Variants in FCRL2 observed in about 807,000 individuals in gnomAD.
FCRL2 encodes Fc receptor-like protein 2.
In FCRL2, 48 loss-of-function variants were observed where a neutral mutation model predicts 59.8. The ratio of observed to expected loss-of-function variants is 0.80; its 90% CI spans 0.64 to 1.02. The LOEUF (loss-of-function observed/expected upper bound fraction) is 1.02. FCRL2 is among the 50% of genes least tolerant of loss of function. The probability of loss-of-function intolerance (pLI) is 0.00; values close to 1 mark genes in which losing one functional copy is unlikely to be tolerated. For synonymous variants in FCRL2, 251 were observed against 229.5 expected, an observed-to-expected ratio of 1.09 and a Z score of -0.85; for missense variants, 658 against 597.3, an observed-to-expected ratio of 1.10 and a Z score of -1.06.
intron 7 of FCRL2, 153 bp downstream of exon 7, chr1:157,766,702 A>G (rs533028495): frequency 4.4e-5 from 56 of 1,263,070 alleles, no homozygotes; most frequent in East Asian, 1.5e-4. Flanking sequence ...CACATTGAGC[A>G]TTGCACAGAG....
chr1:157,763,500 G>A (rs1417879860), intron 7 of FCRL2, among the ~76,000 whole-genome samples: 1 of 152,090 alleles, frequency 6.6e-6, no homozygotes, highest in Non-Finnish European at 1.5e-5. Context: ...GCTCCAGCCT[G>A]GGTGACAAGA....
rs897724377 is a variant in FCRL2 at position 157,745,853 on chromosome 1, A to C, written c.*883T>G. On this transcript the variant is annotated 3_prime_UTR_variant, in exon 12 of 12. Transcript: ENST00000361516. ...GCAACTATATGCATACTTTGGTGAT[A>C]TTGCAGGTTCAGTTCCAGACTACCA... is the stretch of plus-strand genomic sequence containing the variant. The C allele has an allele frequency of 6.6e-6, 1 of 152,238 alleles. No homozygotes were observed. The highest frequency in any genetic ancestry group is 1.9e-4 in the East Asian group (1 of 5,204). 9.4% of individuals were successfully genotyped at this position (152,238 alleles called of 1,614,324 possible). A position where few individuals can be genotyped will look rare whatever the true frequency, so the allele number is the denominator to read the frequency against.
intron 4 of FCRL2, 69 bp from the exon 5 acceptor site, chr1:157,768,770 A>T: frequency 7.0e-7 from 1 of 1,426,474 alleles, no homozygotes; most frequent in Non-Finnish European, 9.5e-7. Flanking sequence ...GACTGATTCC[A>T]TTCTCTAATG....
chr1:157,768,631 C>G lies in FCRL2; in HGVS notation c.666G>C (p.Leu222=), dbSNP rs2101742714. The G allele has an allele frequency of 6.2e-7, 1 of 1,614,182 alleles. No individual in the cohort carries two copies. Among genetic ancestry groups the G allele is most frequent in the South Asian group, 1.1e-5 (1 of 91,086 alleles). The change falls in exon 5 of 12, where the codon CTG becomes CTC. Residue 222 remains leucine, a synonymous_variant. Coordinates refer to ENST00000361516, the MANE Select transcript of FCRL2 (RefSeq NM_030764.4). ...PGGQVTEGQK[L]ILLCSVAGGT... ...CCCCAGCCACTGAGCAGAGCAGGAT[C>G]AGTTTTTGTCCTTCAGTCACCTGTC...
chr1:157,776,556 A>G (rs1446215328), intron 1 of FCRL2, among the ~76,000 whole-genome samples: 3 of 152,132 alleles, frequency 2.0e-5, no homozygotes, highest in Admixed American at 1.3e-4. Flanking sequence ...GGTATGAGCC[A>G]CTGCACTCAC....
chr1:157,760,142 A>G (rs1648907426), intron 7 of FCRL2, among the ~76,000 whole-genome samples: 1 of 152,248 alleles, frequency 6.6e-6, no homozygotes, highest in African/African-American at 2.4e-5. Context: ...CTTTGCAGCA[A>G]CATGGATGGA....
intron 4 of FCRL2, chr1:157,769,584 A>C: frequency 3.8e-6 from 1 of 262,836 alleles, no homozygotes; most frequent in East Asian, 8.3e-5. Flanking sequence ...CCCCCCACCA[A>C]GCCCAGCTAA....
chr1:157,746,157 T>A lies in FCRL2; in HGVS notation c.*579A>T, dbSNP rs1296964973. ...GGATTCATAGCTGAATTCTACAAGA[T>A]GCAGAAAGAATAACTGGTACCAATC... On this transcript the variant is annotated 3_prime_UTR_variant, in exon 12 of 12. Transcript: ENST00000361516. The A allele has an allele frequency of 3.3e-5, 5 of 152,784 alleles. No homozygotes were observed. Among genetic ancestry groups the A allele is most frequent in the Admixed American group, 3.3e-4 (5 of 15,360 alleles). The allele number at this position is 152,784 out of a possible 1,614,324, so 9.5% of individuals were successfully genotyped here.
At position 157,770,663 on chromosome 1, in the gene FCRL2, G is replaced by T; in HGVS notation, c.56C>A (p.Ser19Ter). The T allele has an allele frequency of 6.2e-7, 1 of 1,613,866 alleles. No homozygotes were observed. The highest frequency in any genetic ancestry group is 1.1e-5 in the South Asian group (1 of 91,008). ...AGAAGAGGGCGCCACAAGGGTCAGC[G>T]AATCTGGAAGAGAAGGAGGGAAACC... Reference protein sequence around the residue: ...IFDAVTEQADSLTLVAPSSVF... With the variant: ...IFDAVTEQAD Residue 19 changes from serine to a stop codon, truncating the protein, a stop_gained, in exon 3 of 12, where the codon TCG (serine) becomes TAG (stop). Coordinates refer to ENST00000361516, the MANE Select transcript of FCRL2 (RefSeq NM_030764.4). LOFTEE classifies it high-confidence loss of function.
In FCRL2 at chr1:157,770,097, C is replaced by T. The variant is rs765821742; in HGVS notation, c.364G>A (p.Gly122Ser). 3.1e-6 allele frequency: 5 copies of T among 1,614,174 alleles called. No homozygotes were observed. The East Asian group carries it at 1.1e-4, about 36-fold the overall frequency. ...TASSFQPIEG[G>S]PVSLKCETRL... ...GTCTCACATTTCAGGCTCACTGGAC[C>T]CCCTTCGATGGGCTGGAAGGAGCTG... Residue 122 changes from glycine to serine, a missense_variant, in exon 4 of 12, where the codon GGT becomes AGT. Coordinates refer to ENST00000361516, the MANE Select transcript of FCRL2 (RefSeq NM_030764.4).
chr1:157,762,193 T>C (rs970314874), intron 7 of FCRL2, among the ~76,000 whole-genome samples: 2 of 152,188 alleles, frequency 1.3e-5, no homozygotes, highest in African/African-American at 4.8e-5. Context: ...ATTCTGCCAC[T>C]ATCACCACAA....
At chr1:157,771,337 T>A (rs906297741) in intron 2 of FCRL2, among the ~76,000 whole-genome samples, 1 of 152,172 alleles carries the variant, frequency 6.6e-6, no homozygotes, top group East Asian at 1.9e-4. Flanking sequence ...TCCTCCATGC[T>A]GTCATCCAGC....
chr1:157,775,798 G>C lies in FCRL2; in HGVS notation c.32-3C>G. ...ACCTGCCTGTTCAGTGACTGCATCTGTGAGGAGATCAAAAGCCAGAGATTA... is the reference window on the plus strand; with the variant it reads ...ACCTGCCTGTTCAGTGACTGCATCTCTGAGGAGATCAAAAGCCAGAGATTA... On this transcript the variant is annotated splice_region_variant and splice_polypyrimidine_tract_variant and intron_variant, in intron 1 of 11. Coordinates refer to ENST00000361516, the MANE Select transcript of FCRL2 (RefSeq NM_030764.4). The C allele has an allele frequency of 1.2e-6, 2 of 1,613,992 alleles. No homozygotes were observed. Among genetic ancestry groups the C allele is most frequent in the South Asian group, 1.1e-5 (1 of 91,066 alleles).
rs549523616 is a variant in FCRL2 at position 157,767,638 on chromosome 1, A to G, written c.884-129T>C. 10 of 1,611,270 alleles carry G rather than the reference A, an allele frequency of 6.2e-6. No individual in the cohort carries two copies. The East Asian group carries it at 2.2e-4, about 36-fold the overall frequency. On this transcript the variant is annotated intron_variant, in intron 5 of 11. Coordinates refer to ENST00000361516, the MANE Select transcript of FCRL2 (RefSeq NM_030764.4). ...GCATATTTTCCATTCCCACATTCCC[A>G]CTAGAACAGTTAGAGATAATTTTCT...
chr1:157,758,136 T>C (rs1043765002), intron 7 of FCRL2, among the ~76,000 whole-genome samples: 3 of 152,122 alleles, frequency 2.0e-5, no homozygotes, highest in East Asian at 1.9e-4. Context: ...ATGGCGTACA[T>C]CTGAGGTAAC....
intron 7 of FCRL2, among the ~76,000 whole-genome samples, chr1:157,755,364 C>T (rs1023127482): frequency 6.6e-6 from 1 of 152,120 alleles, no homozygotes; most frequent in East Asian, 1.9e-4. Context: ...TCAAAACTTA[C>T]AATACTTTGT....
At chr1:157,759,647 A>G (rs1648873382) in intron 7 of FCRL2, among the ~76,000 whole-genome samples, 1 of 152,240 alleles carries the variant, frequency 6.6e-6, no homozygotes, top group South Asian at 2.1e-4. Flanking sequence ...ACATGAACAG[A>G]CACTTCTCCA....
Position 157,767,461 on chromosome 1 carries a change from G to T in FCRL2, c.932C>A (p.Ala311Asp). ...VLTLRSPGAQ[A>D]AVGDLLELHC... ...AAGCTCCAGCAGGTCCCCCACTGCA[G>T]CCTGGGCCCCAGGAGACCTGAGGGT... Residue 311 changes from alanine to aspartate, a missense_variant, in exon 6 of 12, where the codon GCT (alanine) becomes GAT (aspartate). Physicochemically the swap from Ala to Asp is moderately radical, Grantham distance 126. Coordinates refer to ENST00000361516, the MANE Select transcript of FCRL2 (RefSeq NM_030764.4). 1 of 1,614,212 alleles carries T rather than the reference G, an allele frequency of 6.2e-7. No homozygotes were observed. The highest frequency in any genetic ancestry group is 1.1e-5 in the South Asian group (1 of 91,090).
intron 2 of FCRL2, among the ~76,000 whole-genome samples, chr1:157,774,019 A>G (rs1354828345): frequency 2.6e-5 from 4 of 152,276 alleles, no homozygotes; most frequent in African/African-American, 9.6e-5. Flanking sequence ...GATTTAACTC[A>G]GAGCAAGATG....
Sources: allele counts gnomAD v4.1 joint callset (sites outside exome capture counted in the v4.1 genomes callset), GRCh38; gene constraint gnomAD v4.1.1; transcripts MANE v1.5; gene names NCBI Gene and HGNC (gene_info 2026-07-23, HGNC 2026-07-21).